Variants in NFASC observed in about 807,000 individuals in gnomAD.
NFASC encodes the protein neurofascin homolog.
In NFASC, 43 loss-of-function variants were observed where a neutral mutation model predicts 147.5. The ratio of observed to expected loss-of-function variants is 0.29; its 90% CI spans 0.23 to 0.38. The LOEUF is 0.38. Among genes scored for constraint, NFASC ranks in the 10% least tolerant of loss-of-function variants. NFASC has a pLI of 1.00. For synonymous variants in NFASC, 622 were observed against 665.5 expected, an observed-to-expected ratio of 0.93 and a Z score of 1.01; for missense variants, 1,320 against 1,689.0, an observed-to-expected ratio of 0.78 and a Z score of 3.83.
intron 25 of NFASC, chr1:204,998,510 G>C (rs1251634151): frequency 6.6e-6 from 1 of 152,214 alleles, no homozygotes; most frequent in Non-Finnish European, 1.5e-5. Context: ...TCAGTTCAAT[G>C]ACATAGAGTT....
At chr1:204,855,416 G>C (rs1033487964) in intron 1 of NFASC, among the ~76,000 whole-genome samples, 2 of 151,966 alleles carry the variant, frequency 1.3e-5, no homozygotes, top group Admixed American at 1.3e-4. Context: ...GACCTTAAAA[G>C]ATCAATAATA....
At position 204,979,276 on chromosome 1, in the gene NFASC, CA is replaced by C; in HGVS notation, c.1979-84del. On this transcript the variant is annotated intron_variant, in intron 18 of 29. Transcript: ENST00000339876. This position sits in a 1 kb window ranked among gnomAD's most constrained non-coding sequence, Gnocchi z 6.0. ...TTTGTGTGAGAGAGATTATAAAGATCAATGGAAGCCAAGAAGGAAGTGCTTT... is the reference window on the plus strand; with the variant it reads ...TTTGTGTGAGAGAGATTATAAAGATCATGGAAGCCAAGAAGGAAGTGCTTT... The C allele has an allele frequency of 8.6e-7, 1 of 1,164,748 alleles. No homozygotes were observed. Among genetic ancestry groups the C allele is most frequent in the Non-Finnish European group, 1.3e-6 (1 of 773,068 alleles). 72.2% of individuals were successfully genotyped at this position (1,164,748 alleles called of 1,614,324 possible).
At chr1:204,937,827 C>G (rs767949103) in intron 2 of NFASC, among the ~76,000 whole-genome samples, 17 of 152,224 alleles carry the variant, frequency 1.1e-4, no homozygotes, top group Non-Finnish European at 2.5e-4. Context: ...CATATATTTA[C>G]TGTCCTCCCT....
intron 27 of NFASC, among the ~76,000 whole-genome samples, chr1:205,003,261 CT>C (rs1471000118): frequency 1.3e-5 from 2 of 152,222 alleles, no homozygotes; most frequent in African/African-American, 2.4e-5. Flanking sequence ...AGTGACACAA[CT>C]TGTTTGGGGC....
chr1:205,012,984 T>A, intron 29 of NFASC, 118 bp downstream of exon 29: 1 of 739,302 alleles, frequency 1.4e-6, no homozygotes, highest in Non-Finnish European at 2.4e-6. Context: ...TCCTTGCCCA[T>A]TGGGCTGTGA....
At position 204,896,604 on chromosome 1, in the gene NFASC, TC is replaced by T. The variant is rs374577620; in HGVS notation, c.-199-24027del. ...ACTCAGGAAGGGACACAAGCCAGGG[TC>T]TCTCATTCATTTGTTCGTTTAGTCA... On this transcript the variant is annotated intron_variant, in intron 1 of 29. Coordinates refer to ENST00000339876, the MANE Select transcript of NFASC (RefSeq NM_001005388.3). 1.7e-3 allele frequency among the ~76,000 whole-genome samples: 255 copies of T among 152,258 alleles called. No individual in the cohort carries two copies. The Middle Eastern group carries it at 0.02, about 12-fold the overall frequency.
In NFASC at chr1:204,983,949, C is replaced by T; in HGVS notation, c.2470+1929C>T. 6.4e-6 allele frequency: 6 copies of T among 939,210 alleles called. 1 individual carries two copies. Among genetic ancestry groups the T allele is most frequent in the South Asian group, 1.4e-5 (1 of 72,252 alleles). 58.2% of individuals were successfully genotyped at this position (939,210 alleles called of 1,614,324 possible). On this transcript the variant is annotated intron_variant, in intron 21 of 29. Transcript: ENST00000339876. Reference sequence around the variant, plus strand: ...CCCAGTGTTGAGTGGAGTGCAGGTACAGGCCAGCAGAGAACAAGTCAGAAG... The same window carrying T: ...CCCAGTGTTGAGTGGAGTGCAGGTATAGGCCAGCAGAGAACAAGTCAGAAG...
intron 2 of NFASC, among the ~76,000 whole-genome samples, chr1:204,927,938 C>G (rs1476394622): frequency 6.6e-6 from 1 of 152,164 alleles, no homozygotes; most frequent in Admixed American, 6.5e-5. Context: ...AAGCTGGGTT[C>G]TTGAATTGTA....
At chr1:204,852,454 C>T (rs1014109051) in intron 1 of NFASC, among the ~76,000 whole-genome samples, 3 of 152,186 alleles carry the variant, frequency 2.0e-5, no homozygotes, top group Non-Finnish European at 2.9e-5. Context: ...GAGCTGAGAT[C>T]GCGCCACTGC....
At chr1:204,995,387 C>A (rs1481303462) in intron 24 of NFASC, among the ~76,000 whole-genome samples, 1 of 151,390 alleles carries the variant, frequency 6.6e-6, no homozygotes, top group African/African-American at 2.4e-5. Flanking sequence ...AGTGAATTCC[C>A]TCTTGTTGAG....
At chr1:204,829,489 C>T (rs1479389508) in intron 1 of NFASC, among the ~76,000 whole-genome samples, 1 of 152,044 alleles carries the variant, frequency 6.6e-6, no homozygotes, top group African/African-American at 2.4e-5. Context: ...GGCCTCTGGA[C>T]CCCCCTTCCC....
chr1:204,954,914 T>G lies in NFASC; in HGVS notation c.498T>G (p.Pro166=). Residue 166 remains proline (P), a synonymous_variant, in exon 7 of 30, where the codon CCT becomes CCG. Coordinates refer to ENST00000339876, the MANE Select transcript of NFASC (RefSeq NM_001005388.3). This position sits in a 1 kb window ranked among gnomAD's most constrained non-coding sequence, Gnocchi z 5.7. ...TGACGCTCCAGTGCAACCCCCCGCC[T>G]GGACTTCCATCCCCGGTCATCTTCT... ...APLTLQCNPP[P]GLPSPVIFWM... is the part of the protein sequence containing the mutation. The G allele has an allele frequency of 6.2e-7, 1 of 1,613,914 alleles. No homozygotes were observed. Among genetic ancestry groups the G allele is most frequent in the Non-Finnish European group, 8.5e-7 (1 of 1,179,942 alleles).
Position 204,986,263 on chromosome 1 carries a change from C to CT in NFASC, c.2471-1154dup. The CT allele has an allele frequency of 1.6e-6, 1 of 639,200 alleles. No homozygotes were observed. Among genetic ancestry groups the CT allele is most frequent in the Non-Finnish European group, 2.8e-6 (1 of 355,772 alleles). The allele number at this position is 639,200 out of a possible 1,614,324, so 39.6% of individuals were successfully genotyped here. On this transcript the variant is annotated intron_variant, in intron 21 of 29. Coordinates refer to ENST00000339876, the MANE Select transcript of NFASC (RefSeq NM_001005388.3). The surrounding 1 kb of genome is among the most constrained non-coding windows in gnomAD (Gnocchi z 4.2). ...AGCGGATGACCTGCAAGCCGAGCCA[C>CT]TACAGCCATTCCCAGACCACCATCG...
At chr1:204,936,389 A>G (rs1044030325) in intron 2 of NFASC, among the ~76,000 whole-genome samples, 1 of 151,474 alleles carries the variant, frequency 6.6e-6, no homozygotes, top group Non-Finnish European at 1.5e-5. Context: ...TTTTGTAGAG[A>G]TGGGATTTCA....
intron 8 of NFASC, chr1:204,967,969 G>GTATCATTAAAAAAA: frequency 1.2e-5 from 4 of 334,034 alleles, no homozygotes; most frequent in East Asian, 6.4e-5. Flanking sequence ...GCCCCTCCCC[G>GTATCATTAAAAAAA]TTCCAGGGAA....
intron 1 of NFASC, among the ~76,000 whole-genome samples, chr1:204,911,883 C>T (rs916239236): frequency 6.6e-6 from 1 of 152,084 alleles, no homozygotes; most frequent in Non-Finnish European, 1.5e-5. Flanking sequence ...TGGTTCATTT[C>T]ACCTAAGCTT....
intron 24 of NFASC, among the ~76,000 whole-genome samples, chr1:204,994,335 A>T (rs1299211862): frequency 1.3e-5 from 2 of 152,222 alleles, no homozygotes; most frequent in Admixed American, 6.5e-5. Context: ...CTTCAGAGCC[A>T]TCTCTCATCC....
At chr1:204,941,251 C>T (rs928716011) in intron 2 of NFASC, among the ~76,000 whole-genome samples, 20 of 152,158 alleles carry the variant, frequency 1.3e-4, no homozygotes, top group African/African-American at 4.3e-4. Context: ...AAATTCTTTT[C>T]CTCTTGTAAG....
intron 1 of NFASC, among the ~76,000 whole-genome samples, chr1:204,844,815 G>A (rs1343102549): frequency 6.6e-6 from 1 of 152,174 alleles, no homozygotes; most frequent in Non-Finnish European, 1.5e-5. Context: ...GAGTTTTTAA[G>A]GATTCTGGGT....
Sources: gnomAD v4.1 joint callset for allele counts (sites outside exome capture counted in the v4.1 genomes callset) on GRCh38, gnomAD v4.1.1 for gene constraint, Gnocchi (gnomAD v3.1) non-coding constraint, MANE v1.5 for transcripts, NCBI Gene and HGNC (gene_info 2026-07-23, HGNC 2026-07-21) for gene names.